The following CFAP61 variants were observed in gnomAD, a reference collection of about 807,000 sequenced individuals.
The protein encoded by CFAP61 is cilia- and flagella-associated protein 61.
Under a neutral mutation model 135.6 loss-of-function variants are expected in CFAP61, and 107 were observed. The observed-to-expected ratio is 0.79, with a 90% confidence interval of 0.67 to 0.93. CFAP61 has a LOEUF of 0.93. Among genes scored for constraint, CFAP61 ranks in the 40% least tolerant of loss-of-function variants. The probability of loss-of-function intolerance (pLI) is 0.00; values close to 1 mark genes in which losing one functional copy is unlikely to be tolerated. For synonymous variants in CFAP61, 575 were observed against 578.5 expected, an observed-to-expected ratio of 0.99 and a Z score of 0.09; for missense variants, 1,507 against 1,556.2, an observed-to-expected ratio of 0.97 and a Z score of 0.53.
chr20:20,317,396 T>G (rs1469386062), intron 25 of CFAP61, among the ~76,000 whole-genome samples: 1 of 152,188 alleles, frequency 6.6e-6, no homozygotes. Flanking sequence ...GTCTTCAACC[T>G]GGCACTGTGC....
chr20:20,150,913 T>C (rs953167253), intron 9 of CFAP61, among the ~76,000 whole-genome samples: 2 of 152,116 alleles, frequency 1.3e-5, no homozygotes, highest in African/African-American at 4.8e-5. Flanking sequence ...CAGCAGCCCT[T>C]GAGTTCCAGA....
At chr20:20,148,399 C>T (rs2052093643) in intron 9 of CFAP61, among the ~76,000 whole-genome samples, 1 of 151,826 alleles carries the variant, frequency 6.6e-6, no homozygotes, top group South Asian at 2.1e-4. Context: ...GGATGTATTT[C>T]CATTTGTTTG....
chr20:20,184,517 T>C (rs1344317855), intron 13 of CFAP61: 13 of 151,976 alleles, frequency 8.6e-5, no homozygotes, highest in Admixed American at 8.5e-4. Flanking sequence ...GGGTCCAAAT[T>C]TTAAATAGGG....
chr20:20,251,357 C>T (rs2050887116), intron 19 of CFAP61, among the ~76,000 whole-genome samples: 1 of 151,642 alleles, frequency 6.6e-6, no homozygotes, highest in African/African-American at 2.4e-5. Flanking sequence ...ACACACCCCT[C>T]CCACCCTCCC....
intron 11 of CFAP61, 90 bp from the exon 12 acceptor site, chr20:20,166,307 C>G (rs924875899): frequency 1.5e-5 from 16 of 1,073,556 alleles, no homozygotes; most frequent in Non-Finnish European, 2.0e-5. Context: ...AATCGCTGCC[C>G]GAGGGGAGGG....
intron 21 of CFAP61, among the ~76,000 whole-genome samples, chr20:20,273,287 G>A (rs1279473390): frequency 1.3e-5 from 2 of 152,084 alleles, no homozygotes; most frequent in African/African-American, 2.4e-5. Flanking sequence ...TTTGTTGTAG[G>A]CACACACAAT....
At chr20:20,268,451 A>G (rs2052984195) in intron 21 of CFAP61, among the ~76,000 whole-genome samples, 1 of 152,194 alleles carries the variant, frequency 6.6e-6, no homozygotes, top group African/African-American at 2.4e-5. Flanking sequence ...GCACACAGAT[A>G]CCACCCCAGA....
chr20:20,103,301 T>C (rs2048152599), intron 8 of CFAP61, among the ~76,000 whole-genome samples: 1 of 152,232 alleles, frequency 6.6e-6, no homozygotes, highest in Non-Finnish European at 1.5e-5. Flanking sequence ...AATTTGTGTA[T>C]GTTTTCATAG....
intron 14 of CFAP61, among the ~76,000 whole-genome samples, chr20:20,189,003 T>G (rs2146869442): frequency 6.6e-6 from 1 of 152,352 alleles, no homozygotes; most frequent in Non-Finnish European, 1.5e-5. Flanking sequence ...CAGCAATGTT[T>G]GTAAGAGTCA....
At chr20:20,338,543 C>T (rs750841614) in intron 25 of CFAP61, among the ~76,000 whole-genome samples, 32 of 152,384 alleles carry the variant, frequency 2.1e-4, no homozygotes, top group South Asian at 4.1e-4. Context: ...CGGACCGCCA[C>T]GCTGTGCCAA....
intron 2 of CFAP61, among the ~76,000 whole-genome samples, chr20:20,057,578 T>C (rs998734771): frequency 3.3e-5 from 5 of 152,248 alleles, no homozygotes; most frequent in African/African-American, 1.2e-4. Flanking sequence ...CAGCCGCTGC[T>C]GTTAAAGTGT....
At chr20:20,277,794 A>G (rs1601778747) in intron 22 of CFAP61, among the ~76,000 whole-genome samples, 2 of 151,692 alleles carry the variant, frequency 1.3e-5, no homozygotes, top group Admixed American at 1.3e-4. Flanking sequence ...GAATTGTCTC[A>G]AAAGCATAGT....
chr20:20,244,638 C>G (rs1444815901), intron 18 of CFAP61, among the ~76,000 whole-genome samples: 1 of 152,254 alleles, frequency 6.6e-6, no homozygotes, highest in Non-Finnish European at 1.5e-5. Flanking sequence ...GCTGCTGTCT[C>G]TGACATGCCC....
chr20:20,335,484 A>G (rs2058152650), intron 25 of CFAP61, among the ~76,000 whole-genome samples: 1 of 152,232 alleles, frequency 6.6e-6, no homozygotes, highest in African/African-American at 2.4e-5. Flanking sequence ...CTATTGGCCA[A>G]TAAGATATAA....
At chr20:20,147,488 G>A (rs1019654426) in intron 9 of CFAP61, among the ~76,000 whole-genome samples, 59 of 152,144 alleles carry the variant, frequency 3.9e-4, no homozygotes, top group Non-Finnish European at 7.5e-4. Context: ...GCATTTTCTT[G>A]ATGATTAGTG....
intron 22 of CFAP61, among the ~76,000 whole-genome samples, chr20:20,284,317 G>T (rs374007150): frequency 6.7e-6 from 1 of 150,078 alleles, no homozygotes; most frequent in Non-Finnish European, 1.5e-5. Flanking sequence ...ATGGAGTCTC[G>T]CTTTGTTGCC....
intron 25 of CFAP61, among the ~76,000 whole-genome samples, chr20:20,310,968 C>T (rs1197709687): frequency 6.6e-6 from 1 of 152,220 alleles, no homozygotes; most frequent in East Asian, 1.9e-4. Context: ...TCATGTCCAT[C>T]GTCCACGTCC....
At chr20:20,068,254 C>T (rs1279806427) in intron 2 of CFAP61, among the ~76,000 whole-genome samples, 2 of 152,218 alleles carry the variant, frequency 1.3e-5, no homozygotes, top group Admixed American at 6.5e-5. Flanking sequence ...ACATGTACAG[C>T]GTCTTGTGCA....
chr20:20,196,868 T>C (rs2056330161), intron 16 of CFAP61, 92 bp downstream of exon 16: 3 of 1,091,738 alleles, frequency 2.7e-6, no homozygotes, highest in Admixed American at 1.9e-5. Flanking sequence ...CCTCTCATGA[T>C]GGGTTTTGAT....
Sources: gnomAD v4.1 joint callset for allele counts (sites outside exome capture counted in the v4.1 genomes callset) on GRCh38, gnomAD v4.1.1 for gene constraint, MANE v1.5 for transcripts, NCBI Gene and HGNC (gene_info 2026-07-23, HGNC 2026-07-21) for gene names.